The following CNOT10 variants were observed in gnomAD, a reference collection of about 807,000 sequenced individuals.
CNOT10 encodes the protein CCR4-NOT transcription complex, subunit 10.
In CNOT10, 30 loss-of-function variants were observed where a neutral mutation model predicts 94.6. That is an observed-to-expected ratio of 0.32 (90% CI 0.24 to 0.43). CNOT10 has a LOEUF of 0.43. Ranked by LOEUF, CNOT10 falls within the 20% of genes least tolerant of loss-of-function variation. The pLI, the probability that CNOT10 is intolerant of heterozygous loss-of-function variation, is 1.00. For missense variants in CNOT10, 759 were observed against 877.2 expected (o/e 0.87, Z 1.70); for synonymous variants, 289 against 301.6 (o/e 0.96, Z 0.43).
At chr3:32,727,007 C>T (rs965678916) in intron 9 of CNOT10, among the ~76,000 whole-genome samples, 16 of 151,634 alleles carry the variant, frequency 1.1e-4, no homozygotes, top group African/African-American at 3.6e-4. Context: ...CCACCATGCC[C>T]GGCTAATTTT....
At chr3:32,716,588 A>G (rs1471352818) in intron 6 of CNOT10, among the ~76,000 whole-genome samples, 1 of 152,208 alleles carries the variant, frequency 6.6e-6, no homozygotes, top group East Asian at 1.9e-4. Flanking sequence ...TTAAAAAGTC[A>G]TTGTTAGCCA....
chr3:32,721,635 T>G (rs1341180335), intron 8 of CNOT10, among the ~76,000 whole-genome samples: 1 of 151,122 alleles, frequency 6.6e-6, no homozygotes, highest in Non-Finnish European at 1.5e-5. Flanking sequence ...AAGATAAGTA[T>G]TATTACATAT....
intron 8 of CNOT10, 71 bp from the exon 9 acceptor site, chr3:32,725,379 G>A: frequency 8.6e-7 from 1 of 1,165,158 alleles, no homozygotes; most frequent in Non-Finnish European, 1.3e-6. Flanking sequence ...TGCAAGATGA[G>A]CCCAATTCTT....
At chr3:32,725,633 C>G (rs1259580186) in intron 9 of CNOT10, 34 bp downstream of exon 9, 1 of 1,556,238 alleles carries the variant, frequency 6.4e-7, no homozygotes, top group Admixed American at 2.0e-5. Context: ...TTTGTATTTA[C>G]TACTTCAGAA....
chr3:32,716,368 CAAATG>C, intron 6 of CNOT10, 57 bp downstream of exon 6: 2 of 838,030 alleles, frequency 2.4e-6, no homozygotes, highest in Non-Finnish European at 3.9e-6. Context: ...GTAGTTATGA[CAAATG>C]AAGCAATGAG....
At chr3:32,765,079 G>C (rs1339694838) in intron 17 of CNOT10, 2 of 1,037,264 alleles carry the variant, frequency 1.9e-6, no homozygotes, top group Non-Finnish European at 1.3e-6. Context: ...CCAGCACTTT[G>C]GGAGGCCGAG....
intron 14 of CNOT10, among the ~76,000 whole-genome samples, chr3:32,762,478 C>T (rs1700495963): frequency 6.6e-6 from 1 of 151,876 alleles, no homozygotes; most frequent in Non-Finnish European, 1.5e-5. Context: ...TGCCATGTTG[C>T]CCACGCTGTT....
chr3:32,761,424 T>A (rs1700437934), intron 14 of CNOT10, among the ~76,000 whole-genome samples: 1 of 152,162 alleles, frequency 6.6e-6, no homozygotes, highest in South Asian at 2.1e-4. Context: ...ACTGAGTCTG[T>A]CTGGGTCACC....
chr3:32,752,055 G>A (rs895809826), intron 13 of CNOT10, among the ~76,000 whole-genome samples: 2 of 152,050 alleles, frequency 1.3e-5, no homozygotes, highest in Admixed American at 6.6e-5. Context: ...TCGGAAGTTC[G>A]AGGCAGGTGG....
At chr3:32,719,163 T>A (rs952099690) in intron 7 of CNOT10, among the ~76,000 whole-genome samples, 1 of 152,010 alleles carries the variant, frequency 6.6e-6, no homozygotes, top group African/African-American at 2.4e-5. Flanking sequence ...GCAGGAGAAT[T>A]GCTTGAACCC....
intron 13 of CNOT10, 69 bp downstream of exon 13, chr3:32,737,559 T>C (rs961694975): frequency 2.0e-6 from 2 of 1,003,578 alleles, no homozygotes; most frequent in African/African-American, 3.2e-5. Flanking sequence ...GCACAGTGGC[T>C]CATACCTCTA....
intron 13 of CNOT10, among the ~76,000 whole-genome samples, chr3:32,740,050 T>C (rs552017895): frequency 4.6e-5 from 7 of 152,270 alleles, no homozygotes; most frequent in South Asian, 4.1e-4. Flanking sequence ...TAAGCTGTGA[T>C]TGTACCATCA....
intron 1 of CNOT10, among the ~76,000 whole-genome samples, chr3:32,696,326 AAGAAG>A (rs1559476747): frequency 7.1e-6 from 1 of 140,458 alleles, no homozygotes; most frequent in Non-Finnish European, 1.5e-5. Flanking sequence ...AAAAAAAAAA[AAGAAG>A]AAGAAGAAGA....
chr3:32,704,709 G>A, intron 2 of CNOT10, 102 bp from the exon 3 acceptor site: 2 of 1,301,720 alleles, frequency 1.5e-6, no homozygotes, highest in Non-Finnish European at 2.1e-6. Context: ...TTCTTTTTAA[G>A]AACTTTTAAG....
intron 1 of CNOT10, among the ~76,000 whole-genome samples, chr3:32,698,616 A>G (rs1697187416): frequency 6.6e-6 from 1 of 152,224 alleles, no homozygotes; most frequent in South Asian, 2.1e-4. Flanking sequence ...ATCTCTAATT[A>G]AAAACAGGCC....
At chr3:32,728,360 C>T (rs1698780174) in intron 10 of CNOT10, among the ~76,000 whole-genome samples, 1 of 152,112 alleles carries the variant, frequency 6.6e-6, no homozygotes, top group East Asian at 1.9e-4. Context: ...ATGGCTCACG[C>T]CTGTAATCCA....
rs143096828 is a variant in CNOT10, at chr3:32,743,752, G to A, written c.1595+6262G>A. ...TTAAAGAGAAGTGTACATACAGGAT[G>A]GGATTCCTCTCAGAGTTTTGTACCT... On this transcript the variant is annotated intron_variant, in intron 13 of 18. Transcript: ENST00000328834. 7.9e-5 allele frequency among the ~76,000 whole-genome samples: 12 copies of A among 152,294 alleles called. No individual in the cohort carries two copies. In the East Asian group the frequency reaches 2.3e-3, roughly 29 times the overall value.
At chr3:32,720,920 T>G in intron 8 of CNOT10, among the ~76,000 whole-genome samples, 1 of 137,152 alleles carries the variant, frequency 7.3e-6, no homozygotes, top group South Asian at 2.6e-4. Flanking sequence ...CCTTCCTTCC[T>G]TCCTTCCTTC....
Position 32,759,451 on chromosome 3 carries a change from G to A in CNOT10, c.1596-7G>A, listed in dbSNP as rs753423035. ...AGATTTTCGGCCCCTTCCCTTTTGTGTTATAGGTGCTCCATACTTGCTTGC... is the reference window on the plus strand; with the variant it reads ...AGATTTTCGGCCCCTTCCCTTTTGTATTATAGGTGCTCCATACTTGCTTGC... On this transcript the variant is annotated splice_polypyrimidine_tract_variant and splice_region_variant and intron_variant, in intron 13 of 18. Coordinates refer to ENST00000328834, the MANE Select transcript of CNOT10 (RefSeq NM_015442.3). 1 of 1,604,784 alleles carries A rather than the reference G, an allele frequency of 6.2e-7. No individual in the cohort carries two copies. The highest frequency in any genetic ancestry group is 8.5e-7 in the Non-Finnish European group (1 of 1,172,634).
Sources: gnomAD v4.1 joint callset for allele counts (sites outside exome capture counted in the v4.1 genomes callset) on GRCh38, gnomAD v4.1.1 for gene constraint, MANE v1.5 for transcripts, NCBI Gene and HGNC (gene_info 2026-07-23, HGNC 2026-07-21) for gene names.